Variants in ERN2 observed in about 807,000 individuals in gnomAD.
The protein encoded by ERN2 is endoplasmic reticulum to nucleus signaling 2.
A neutral mutation model predicts 107.9 loss-of-function variants in ERN2; 111 were observed. The observed-to-expected ratio is 1.03, with a 90% CI of 0.88 to 1.20. The LOEUF is 1.20. ERN2 is among the 50% of genes most tolerant of loss of function. The pLI, the probability that ERN2 is intolerant of heterozygous loss-of-function variation, is 0.00. For synonymous variants in ERN2, 524 were observed against 501.7 expected, an observed-to-expected ratio of 1.04 and a Z score of -0.59; for missense variants, 1,225 against 1,197.9, an observed-to-expected ratio of 1.02 and a Z score of -0.33.
chr16:23,710,231 A>C lies in ERN2; in HGVS notation c.247T>G (p.Ser83Ala). Residue 83 changes from serine to alanine, a missense_variant, in exon 4 of 22, where the codon TCT (serine) becomes GCT (alanine). By Grantham distance (99) the Ser-to-Ala change is moderately conservative. Coordinates refer to ENST00000256797, the MANE Select transcript of ERN2 (RefSeq NM_033266.4). ...TACAGGCTGCCATCTGCTGGGTCAG[A>C]GAGAAAGGCCATTCTGTGGAGCAGA... ...PMYVTEMAFLSDPADGSLYIL... is the reference protein window; with the variant it reads ...PMYVTEMAFLADPADGSLYIL... The C allele has an allele frequency of 6.2e-7, 1 of 1,613,954 alleles. No individual in the cohort carries two copies.
chr16:23,711,949 G>C (rs1264706789), intron 1 of ERN2: 1 of 349,352 alleles, frequency 2.9e-6, no homozygotes, highest in East Asian at 1.1e-4. Context: ...TTGGGAGGGG[G>C]GCTGGAGCCA....
chr16:23,710,632 A>G, intron 2 of ERN2, 83 bp from the exon 3 acceptor site: 1 of 1,439,146 alleles, frequency 6.9e-7, no homozygotes, highest in Non-Finnish European at 9.8e-7. Flanking sequence ...GAGCTATGGC[A>G]TGACTGTGAT....
At chr16:23,711,944 A>G in intron 1 of ERN2, 1 of 321,064 alleles carries the variant, frequency 3.1e-6, no homozygotes, top group Non-Finnish European at 6.8e-6. Context: ...TGCCCTTGGG[A>G]GGGGGGCTGG....
chr16:23,701,897 C>T (rs1274111820), intron 11 of ERN2, among the ~76,000 whole-genome samples: 1 of 152,046 alleles, frequency 6.6e-6, no homozygotes, highest in African/African-American at 2.4e-5. Context: ...ACATTGACCT[C>T]CCAAAGTGCT....
rs367808187 is a variant in ERN2, at chr16:23,706,957, C to T, written c.379+50G>A. The T allele has an allele frequency of 1.0e-5, 16 of 1,589,498 alleles. 1 individual carries two copies. The African/African-American group carries it at 2.1e-4, about 21-fold the overall frequency. On this transcript the variant is annotated intron_variant, in intron 5 of 21. Transcript: ENST00000256797. ...CTAATTAGCCGTCACGACTTAGATC[C>T]CTGCCTCTGCTGGCTGAACCTGGAC...
intron 17 of ERN2, 127 bp from the exon 18 acceptor site, chr16:23,692,458 G>T: frequency 1.1e-6 from 1 of 908,084 alleles, no homozygotes; most frequent in Non-Finnish European, 1.7e-6. Flanking sequence ...GATGCTTCCT[G>T]GGCAGCATCT....
At chr16:23,698,248 C>T (rs71379825) in intron 13 of ERN2, among the ~76,000 whole-genome samples, 8 of 152,170 alleles carry the variant, frequency 5.3e-5, no homozygotes, top group African/African-American at 1.7e-4. Flanking sequence ...ATTTGGACCC[C>T]TGAGCTGCCA....
rs151223543 is a variant in ERN2 at position 23,702,696 on chromosome 16, C to T, written c.861G>A (p.Thr287=). ...FSTLDTQLLM[T]LYVGKDETGF... ...CAGTTTCATCCTTCCCCACATACAG[C>T]GTCATTCTAGTGGGAGAGAAGAAAA... The change falls in exon 9 of 22, where the codon ACG becomes ACA. Residue 287 remains threonine, a synonymous_variant. Transcript: ENST00000256797. 2.1e-4 allele frequency: 346 copies of T among 1,613,420 alleles called. No individual in the cohort carries two copies. The highest frequency in any genetic ancestry group is 2.8e-4 in the Non-Finnish European group (331 of 1,179,462).
At chr16:23,710,648 G>C (rs1960503624) in intron 2 of ERN2, 99 bp from the exon 3 acceptor site, 1 of 1,377,144 alleles carries the variant, frequency 7.3e-7, no homozygotes, top group South Asian at 1.2e-5. Context: ...GTGATGTCAA[G>C]CACTTGGTGT....
chr16:23,713,208 G>A lies in ERN2; in HGVS notation c.-21C>T. 6.3e-7 allele frequency: 1 copy of A among 1,579,334 alleles called. No individual in the cohort carries two copies. Among genetic ancestry groups the A allele is most frequent in the East Asian group, 2.3e-5 (1 of 42,976 alleles). On this transcript the variant is annotated 5_prime_UTR_variant, in exon 1 of 22. Coordinates refer to ENST00000256797, the MANE Select transcript of ERN2 (RefSeq NM_033266.4). Reference sequence around the variant, plus strand: ...GCCATAGCGCCTGGGCAGCTGCACGGCTGGCCAGGTCCCTGGGTGCCTCCA... The same window carrying A: ...GCCATAGCGCCTGGGCAGCTGCACGACTGGCCAGGTCCCTGGGTGCCTCCA...
chr16:23,708,253 A>G (rs2141022234), intron 4 of ERN2, among the ~76,000 whole-genome samples: 1 of 151,718 alleles, frequency 6.6e-6, no homozygotes, highest in African/African-American at 2.4e-5. Flanking sequence ...TCCCCACACA[A>G]ATCACTTGTT....
chr16:23,695,348 A>T lies in ERN2; in HGVS notation c.1652T>A (p.Leu551His), dbSNP rs1959768269. The change falls in exon 15 of 22, where the codon CTC becomes CAC. Residue 551 changes from leucine to histidine, a missense_variant. Transcript: ENST00000256797. ...EGRAVAVKRL[L>H]RECFGLVRRE... ...CCGAACCAGGCCAAAGCACTCGCGG[A>T]GGAGCCGCTTGACAGCCACTGCCCG... 6.2e-7 allele frequency: 1 copy of T among 1,609,142 alleles called. No homozygotes were observed. Among genetic ancestry groups the T allele is most frequent in the African/African-American group, 1.3e-5 (1 of 74,866 alleles).
intron 1 of ERN2, chr16:23,712,195 T>G (rs1960572822): frequency 4.2e-6 from 1 of 239,798 alleles, no homozygotes. Flanking sequence ...TTCAATTTTG[T>G]CATCTGCAGC....
intron 11 of ERN2, 50 bp downstream of exon 11, chr16:23,702,102 C>A (rs542141259): frequency 3.8e-6 from 6 of 1,574,182 alleles, no homozygotes; most frequent in Admixed American, 1.8e-5. Flanking sequence ...GCTATTCCCC[C>A]CATCTGCTGG....
At chr16:23,710,612 C>T in intron 2 of ERN2, 63 bp from the exon 3 acceptor site, 1 of 1,559,236 alleles carries the variant, frequency 6.4e-7, no homozygotes, top group Non-Finnish European at 8.8e-7. Flanking sequence ...AAGCACAGCT[C>T]ATATTCACTG....
At chr16:23,711,657 C>T (rs1313798585) in intron 1 of ERN2, among the ~76,000 whole-genome samples, 3 of 152,164 alleles carry the variant, frequency 2.0e-5, no homozygotes, top group Non-Finnish European at 2.9e-5. Flanking sequence ...TGCACCCATT[C>T]TAAGACTGGT....
Position 23,710,225 on chromosome 16 carries a change from G to C in ERN2, c.253C>G (p.Pro85Ala). ...AAGATGTACAGGCTGCCATCTGCTG[G>C]GTCAGAGAGAAAGGCCATTCTGTGG... ...YVTEMAFLSD[P>A]ADGSLYILGT... The change falls in exon 4 of 22, where the codon CCA becomes GCA. Residue 85 changes from proline to alanine, a missense_variant. Pro to Ala is a conservative substitution (Grantham distance 27). Transcript: ENST00000256797. 1 of 1,613,910 alleles carries C rather than the reference G, an allele frequency of 6.2e-7. No individual in the cohort carries two copies. Among genetic ancestry groups the C allele is most frequent in the Non-Finnish European group, 8.5e-7 (1 of 1,179,814 alleles).
chr16:23,700,632 C>CCTGGG lies in ERN2; in HGVS notation c.1427_1431dup (p.Asp478ProfsTer39). ...GCCCCCGAGTGCAGGGACTGGGCAT[C>CCTGGG]CTGGGAGATGTGAGCAAAGTCTGCA... is the stretch of plus-strand genomic sequence containing the variant. On this transcript the variant is annotated frameshift_variant, in exon 13 of 22. Transcript: ENST00000256797. LOFTEE classifies it high-confidence loss of function. 2 of 1,614,150 alleles carry CCTGGG rather than the reference C, an allele frequency of 1.2e-6. No individual in the cohort carries two copies. Among genetic ancestry groups the CCTGGG allele is most frequent in the Non-Finnish European group, 1.7e-6 (2 of 1,180,024 alleles).
At position 23,693,601 on chromosome 16, in the gene ERN2, A is replaced by AATATAT. The variant is rs1555466491; in HGVS notation, c.2100+1121_2100+1126dup. Among the ~76,000 whole-genome samples the AATATAT allele has an allele frequency of 3.9e-3, 579 of 147,770 alleles. 3 individuals carry two copies. Among genetic ancestry groups the AATATAT allele is most frequent in the African/African-American group, 0.014 (554 of 39,964 alleles). On this transcript the variant is annotated intron_variant, in intron 17 of 21. Coordinates refer to ENST00000256797, the MANE Select transcript of ERN2 (RefSeq NM_033266.4). ...CGAAACTCCATCTCAAAAAAAAAAA[A>AATATAT]ATATATATATATATAGGCCACTAAT... is the stretch of plus-strand genomic sequence containing the variant.
Sources: gnomAD v4.1 joint callset for allele counts (sites outside exome capture counted in the v4.1 genomes callset) on GRCh38, gnomAD v4.1.1 for gene constraint, MANE v1.5 for transcripts, NCBI Gene and HGNC (gene_info 2026-07-23, HGNC 2026-07-21) for gene names.